Variants in SPOCK1 observed in about 807,000 individuals in gnomAD.
SPOCK1 encodes the protein testican-1.
In SPOCK1, 23 loss-of-function variants were observed where a neutral mutation model predicts 55.3. That is an observed-to-expected ratio of 0.42 (90% CI 0.30 to 0.59). SPOCK1 has a LOEUF of 0.59. SPOCK1 is among the 20% of genes least tolerant of loss of function. The pLI, the probability that SPOCK1 is intolerant of heterozygous loss-of-function variation, is 0.22. For synonymous variants in SPOCK1, 226 were observed against 221.0 expected (o/e 1.02, Z -0.20); for missense variants, 499 against 552.5 (o/e 0.90, Z 0.97).
intron 6 of SPOCK1, among the ~76,000 whole-genome samples, chr5:137,025,928 G>A (rs1751665807): frequency 6.6e-6 from 1 of 152,188 alleles, no homozygotes; most frequent in Non-Finnish European, 1.5e-5. Flanking sequence ...CAGCTAGGGA[G>A]GTATTAACCC....
At chr5:137,151,030 A>G (rs1249388212) in intron 3 of SPOCK1, among the ~76,000 whole-genome samples, 2 of 152,196 alleles carry the variant, frequency 1.3e-5, no homozygotes, top group South Asian at 2.1e-4. Context: ...CCATAATCCA[A>G]TCTAATCCTT....
At chr5:137,240,218 T>C (rs981286996) in intron 3 of SPOCK1, among the ~76,000 whole-genome samples, 4 of 152,214 alleles carry the variant, frequency 2.6e-5, no homozygotes, top group Non-Finnish European at 4.4e-5. Flanking sequence ...CATTCTTGCA[T>C]TGCTATAAAG....
intron 2 of SPOCK1, chr5:137,365,114 A>G (rs1213817952): frequency 1.3e-5 from 2 of 152,370 alleles, no homozygotes; most frequent in Non-Finnish European, 2.9e-5. Flanking sequence ...GCATCTGCAG[A>G]ACACCCAGCT....
intron 3 of SPOCK1, among the ~76,000 whole-genome samples, chr5:137,263,391 C>T (rs2217769): frequency 0.4 from 61,255 of 151,904 alleles, 13,524 homozygotes; most frequent in Non-Finnish European, 0.48. Flanking sequence ...ACCTCATATG[C>T]GCTCCTGAGT....
rs869252723 is a variant in SPOCK1 at position 137,131,989 on chromosome 5, A to AAT, written c.347+8589_347+8590dup. Among the ~76,000 whole-genome samples, 234 of 36,032 alleles carry AAT rather than the reference A, an allele frequency of 6.5e-3. 16 individuals are homozygous for AAT. Among genetic ancestry groups the AAT allele is most frequent in the Middle Eastern group, 0.021 (1 of 48 alleles). The allele number at this position is 36,032 out of a possible 152,430, so 23.6% of individuals were successfully genotyped here. A position where few individuals can be genotyped will look rare whatever the true frequency, so the allele number is the denominator to read the frequency against. ...TCCGTCTCAAAAAAAAAAAAAAAAAAATATATATATATATATATATATATA... is the reference window on the plus strand; with the variant it reads ...TCCGTCTCAAAAAAAAAAAAAAAAAAATATATATATATATATATATATATATA... On this transcript the variant is annotated intron_variant, in intron 4 of 10. Transcript: ENST00000394945.
intron 4 of SPOCK1, among the ~76,000 whole-genome samples, chr5:137,131,669 T>C (rs1299367744): frequency 6.7e-6 from 1 of 149,914 alleles, no homozygotes; most frequent in East Asian, 2.0e-4. Context: ...CTGGTCTACC[T>C]GAATACTAAA....
At chr5:136,997,400 C>T (rs188331175) in intron 6 of SPOCK1, among the ~76,000 whole-genome samples, 5 of 152,182 alleles carry the variant, frequency 3.3e-5, no homozygotes, top group African/African-American at 1.2e-4. Context: ...TTGCCCCCTC[C>T]CTCCCCCGCC....
intron 2 of SPOCK1, among the ~76,000 whole-genome samples, chr5:137,293,818 C>T (rs1027594442): frequency 1.3e-5 from 2 of 152,190 alleles, no homozygotes; most frequent in Admixed American, 6.5e-5. Context: ...AGATCGAGAC[C>T]ATCCTCGCTA....
intron 6 of SPOCK1, among the ~76,000 whole-genome samples, chr5:137,028,538 G>A (rs1435100588): frequency 1.3e-5 from 2 of 152,130 alleles, no homozygotes; most frequent in African/African-American, 4.8e-5. Context: ...TGTTGGGGAT[G>A]TTATCCCTGG....
chr5:137,445,197 T>C (rs1010049079), intron 2 of SPOCK1, among the ~76,000 whole-genome samples: 1 of 152,234 alleles, frequency 6.6e-6, no homozygotes, highest in African/African-American at 2.4e-5. Flanking sequence ...TTCCTGGGTA[T>C]GCTATTTTTC....
intron 2 of SPOCK1, among the ~76,000 whole-genome samples, chr5:137,360,959 CACATGT>C (rs1750931010): frequency 6.6e-6 from 1 of 152,138 alleles, no homozygotes; most frequent in South Asian, 2.1e-4. Flanking sequence ...CTCCTAAATT[CACATGT>C]TGAAAAAGAA....
intron 6 of SPOCK1, among the ~76,000 whole-genome samples, chr5:137,035,062 G>T (rs1211513971): frequency 1.3e-5 from 2 of 152,186 alleles, no homozygotes; most frequent in Non-Finnish European, 2.9e-5. Context: ...CCCTGTGAGT[G>T]AGGCCACAAG....
chr5:136,987,869 G>A (rs1317079625), intron 8 of SPOCK1, among the ~76,000 whole-genome samples: 1 of 152,116 alleles, frequency 6.6e-6, no homozygotes, highest in Non-Finnish European at 1.5e-5. Flanking sequence ...TCCCCCAGCA[G>A]GCCAACCTGT....
At chr5:137,182,533 G>T (rs1326114350) in intron 3 of SPOCK1, among the ~76,000 whole-genome samples, 1 of 152,168 alleles carries the variant, frequency 6.6e-6, no homozygotes, top group Non-Finnish European at 1.5e-5. Flanking sequence ...TAACTGGCTG[G>T]AGTTCACATA....
intron 2 of SPOCK1, among the ~76,000 whole-genome samples, chr5:137,332,216 C>A (rs372034047): frequency 4.7e-4 from 71 of 152,138 alleles, no homozygotes; most frequent in South Asian, 1.5e-3. Flanking sequence ...TCTCGACACT[C>A]CCCCCCAGCC....
intron 2 of SPOCK1, among the ~76,000 whole-genome samples, chr5:137,278,168 A>G (rs1757105076): frequency 6.6e-6 from 1 of 152,056 alleles, no homozygotes; most frequent in Non-Finnish European, 1.5e-5. Flanking sequence ...AAAGCAATAA[A>G]ACTCCTTTCA....
intron 3 of SPOCK1, among the ~76,000 whole-genome samples, chr5:137,160,318 C>T (rs987636521): frequency 1.6e-5 from 2 of 126,708 alleles, no homozygotes; most frequent in African/African-American, 5.8e-5. Flanking sequence ...CATAGTATTC[C>T]ATAATATATA....
intron 2 of SPOCK1, among the ~76,000 whole-genome samples, chr5:137,456,487 A>G (rs535553787): frequency 1.3e-5 from 2 of 152,336 alleles, no homozygotes; most frequent in South Asian, 4.1e-4. Flanking sequence ...GAATCTTGGT[A>G]ATTCCTGATC....
At chr5:137,249,556 AG>A (rs1756466021) in intron 3 of SPOCK1, among the ~76,000 whole-genome samples, 1 of 152,244 alleles carries the variant, frequency 6.6e-6, no homozygotes, top group South Asian at 2.1e-4. Context: ...GGATGCAAAA[AG>A]GCTATTAAGA....
Sources: allele counts gnomAD v4.1 joint callset (sites outside exome capture counted in the v4.1 genomes callset), GRCh38; gene constraint gnomAD v4.1.1; transcripts MANE v1.5; gene names NCBI Gene and HGNC (gene_info 2026-07-23, HGNC 2026-07-21).